CHAF1B: variants seen among roughly 807,000 people sequenced by gnomAD.
CHAF1B encodes CAF-1 subunit B.
A neutral mutation model predicts 60.7 loss-of-function variants in CHAF1B; 10 were observed. The observed-to-expected ratio is 0.16, with a 90% CI of 0.10 to 0.28. The LOEUF is 0.28. Ranked by LOEUF, CHAF1B falls within the 10% of genes least tolerant of loss-of-function variation. The probability of loss-of-function intolerance (pLI) is 1.00; values close to 1 mark genes in which losing one functional copy is unlikely to be tolerated. For missense variants in CHAF1B, 558 were observed against 708.4 expected, an observed-to-expected ratio of 0.79 and a Z score of 2.41; for synonymous variants, 261 against 266.1, an observed-to-expected ratio of 0.98 and a Z score of 0.19.
At position 36,387,643 on chromosome 21, in the gene CHAF1B, T is replaced by G. The variant is rs1378280272; in HGVS notation, c.172T>G (p.Phe58Val). ...KGPDGKAIVE[F>V]LSNLARHTKA... ...ACCAGATGGAAAAGCCATCGTGGAA[T>G]TTTTGTCCAATCTTGCTCGTCATAC... is the stretch of plus-strand genomic sequence containing the variant. Residue 58 changes from phenylalanine (F) to valine (V), a missense_variant, in exon 3 of 14, where the codon TTT (phenylalanine) becomes GTT (valine). Coordinates refer to ENST00000314103, the MANE Select transcript of CHAF1B (RefSeq NM_005441.3). The G allele has an allele frequency of 2.5e-6, 4 of 1,614,200 alleles. No homozygotes were observed. Among genetic ancestry groups the G allele is most frequent in the Non-Finnish European group, 2.5e-6 (3 of 1,180,024 alleles).
At chr21:36,415,007 T>C (rs2086306889) in intron 12 of CHAF1B, among the ~76,000 whole-genome samples, 1 of 152,212 alleles carries the variant, frequency 6.6e-6, no homozygotes, top group South Asian at 2.1e-4. Flanking sequence ...GCCAGCAGAG[T>C]GTTCACAAGA....
At position 36,403,744 on chromosome 21, in the gene CHAF1B, T is replaced by C. The variant is rs1053578934; in HGVS notation, c.757+893T>C. Reference sequence around the variant, plus strand: ...AGGCAAGGGGCTCAGCCCAGCAAGATAAGGCTAGGCATTATTGTGGCCACA... The same window carrying C: ...AGGCAAGGGGCTCAGCCCAGCAAGACAAGGCTAGGCATTATTGTGGCCACA... On this transcript the variant is annotated intron_variant, in intron 8 of 13. Coordinates refer to ENST00000314103, the MANE Select transcript of CHAF1B (RefSeq NM_005441.3). 2.0e-5 allele frequency among the ~76,000 whole-genome samples: 3 copies of C among 152,184 alleles called. No individual in the cohort carries two copies. The East Asian group carries it at 5.8e-4, about 29-fold the overall frequency.
intron 1 of CHAF1B, among the ~76,000 whole-genome samples, 177 bp downstream of exon 1, chr21:36,385,628 T>C (rs1026206406): frequency 6.6e-6 from 1 of 151,518 alleles, no homozygotes; most frequent in Non-Finnish European, 1.5e-5. Flanking sequence ...GCGGCCTCAG[T>C]CCCAGCTTCC....
At chr21:36,396,985 T>A (rs1250340162) in intron 5 of CHAF1B, among the ~76,000 whole-genome samples, 1 of 152,188 alleles carries the variant, frequency 6.6e-6, no homozygotes, top group Non-Finnish European at 1.5e-5. Flanking sequence ...CTGTACCCAT[T>A]AGCAGTTCTC....
intron 7 of CHAF1B, among the ~76,000 whole-genome samples, chr21:36,402,308 T>C (rs1057449779): frequency 1.3e-5 from 2 of 152,146 alleles, no homozygotes; most frequent in Admixed American, 6.6e-5. Flanking sequence ...CGAGACTCTG[T>C]ATCTAAAGAG....
rs1366803998 is a variant in CHAF1B, at chr21:36,416,657, C to G, written c.*291C>G. ...TATCCAGTGTGAAAATCAGTGAGTCCTCCCTGGCATCCTCGTGAAAGTGCA... is the reference window on the plus strand; with the variant it reads ...TATCCAGTGTGAAAATCAGTGAGTCGTCCCTGGCATCCTCGTGAAAGTGCA... On this transcript the variant is annotated 3_prime_UTR_variant, in exon 14 of 14. Coordinates refer to ENST00000314103, the MANE Select transcript of CHAF1B (RefSeq NM_005441.3). The G allele has an allele frequency of 3.8e-6, 1 of 264,976 alleles. No homozygotes were observed. The highest frequency in any genetic ancestry group is 2.2e-5 in the African/African-American group (1 of 45,864). 16.4% of individuals were successfully genotyped at this position (264,976 alleles called of 1,614,324 possible).
At chr21:36,409,268 TG>T in intron 9 of CHAF1B, 105 bp from the exon 10 acceptor site, 1 of 736,522 alleles carries the variant, frequency 1.4e-6, no homozygotes, top group Non-Finnish European at 2.3e-6. Flanking sequence ...CCCAAAGTGC[TG>T]GGTTTATAGG....
intron 2 of CHAF1B, 112 bp downstream of exon 2, chr21:36,386,374 G>A: frequency 3.7e-6 from 5 of 1,347,442 alleles, no homozygotes; most frequent in Non-Finnish European, 5.1e-6. Flanking sequence ...TGTAATCCCA[G>A]TGCTTTGGGA....
chr21:36,415,662 A>G, intron 13 of CHAF1B: 1 of 491,138 alleles, frequency 2.0e-6, no homozygotes, highest in Non-Finnish European at 3.7e-6. Context: ...CTTGTGGGCC[A>G]GGCAATTCTT....
chr21:36,398,085 C>A (rs1450255176), intron 6 of CHAF1B: 5 of 150,426 alleles, frequency 3.3e-5, no homozygotes, highest in African/African-American at 1.2e-4. Flanking sequence ...GAGGGGCTTA[C>A]TCTGTCACCC....
intron 6 of CHAF1B, among the ~76,000 whole-genome samples, chr21:36,399,283 G>A (rs564666320): frequency 1.3e-5 from 2 of 152,154 alleles, no homozygotes; most frequent in East Asian, 1.9e-4. Flanking sequence ...TGATTCACCC[G>A]CCTCTGCCTC....
intron 7 of CHAF1B, among the ~76,000 whole-genome samples, chr21:36,400,863 C>T (rs1028188694): frequency 6.6e-6 from 1 of 152,170 alleles, no homozygotes; most frequent in African/African-American, 2.4e-5. Context: ...GGGGAGCAAG[C>T]TGGTTACTGG....
In CHAF1B at chr21:36,413,080, C is replaced by T. The variant is rs201581262; in HGVS notation, c.1258C>T (p.Pro420Ser). 7 of 1,614,122 alleles carry T rather than the reference C, an allele frequency of 4.3e-6. No homozygotes were observed. Among genetic ancestry groups the T allele is most frequent in the East Asian group, 4.5e-5 (2 of 44,874 alleles). ...SPGPRPVEGT[P>S]ASRTQDPSSP... is the part of the protein sequence containing the mutation. ...AGGACCCAGACCGGTAGAGGGAACCCCTGCCAGCAGAACCCAAGACCCCAG... is the reference window on the plus strand; with the variant it reads ...AGGACCCAGACCGGTAGAGGGAACCTCTGCCAGCAGAACCCAAGACCCCAG... Residue 420 changes from proline to serine, a missense_variant, in exon 12 of 14, where the codon CCT becomes TCT. Physicochemically the swap from Pro to Ser is moderately conservative, Grantham distance 74. This residue lies in a region of CHAF1B where 233 missense variants were observed against 214.9 expected (regional missense o/e 1.08). Transcript: ENST00000314103.
intron 7 of CHAF1B, among the ~76,000 whole-genome samples, chr21:36,399,909 T>A (rs2086173219): frequency 6.6e-6 from 1 of 152,212 alleles, no homozygotes; most frequent in African/African-American, 2.4e-5. Flanking sequence ...CCGGGCGCCG[T>A]GGCTCATGAC....
chr21:36,386,762 G>T (rs1374859824), intron 2 of CHAF1B, among the ~76,000 whole-genome samples: 1 of 151,640 alleles, frequency 6.6e-6, no homozygotes, highest in African/African-American at 2.4e-5. Flanking sequence ...TGCCCAGGTG[G>T]GAGTGCAGTG....
intron 12 of CHAF1B, among the ~76,000 whole-genome samples, chr21:36,413,725 C>T (rs2086296681): frequency 6.6e-6 from 1 of 152,204 alleles, no homozygotes; most frequent in Non-Finnish European, 1.5e-5. Context: ...CTTGGTGATG[C>T]CAGGAGTCTC....
intron 3 of CHAF1B, among the ~76,000 whole-genome samples, chr21:36,389,301 T>C (rs1004473204): frequency 6.6e-5 from 10 of 152,102 alleles, no homozygotes; most frequent in Admixed American, 6.6e-4. Flanking sequence ...GGGATAAAAC[T>C]ATATGGAAAA....
chr21:36,415,274 C>CTTTTT, intron 12 of CHAF1B, 21 bp from the exon 13 acceptor site: 1 of 1,216,934 alleles, frequency 8.2e-7, no homozygotes. Flanking sequence ...CACCCCTCTA[C>CTTTTT]TTTTTTTTTT....
chr21:36,390,596 TGTAA>T (rs559817490), intron 3 of CHAF1B, among the ~76,000 whole-genome samples: 111 of 152,278 alleles, frequency 7.3e-4, no homozygotes, highest in African/African-American at 2.4e-3. Context: ...GCCATTGTGT[TGTAA>T]GTGTGTTATA....
Sources: gnomAD v4.1 joint callset for allele counts (sites outside exome capture counted in the v4.1 genomes callset) on GRCh38, gnomAD v4.1.1 for gene constraint, gnomAD v4.1.1 regional missense constraint, MANE v1.5 for transcripts, NCBI Gene and HGNC (gene_info 2026-07-23, HGNC 2026-07-21) for gene names.